Variants in DRC7 observed in about 807,000 individuals in gnomAD.
DRC7 encodes the protein dynein regulatory complex subunit 7.
Under a neutral mutation model 104.4 loss-of-function variants are expected in DRC7, and 80 were observed. The ratio of observed to expected loss-of-function variants is 0.77; its 90% CI spans 0.64 to 0.92. DRC7 has a LOEUF of 0.92. DRC7 is among the 40% of genes least tolerant of loss of function. DRC7 has a pLI of 0.00. For synonymous variants in DRC7, 405 were observed against 447.3 expected (o/e 0.91, Z 1.19); for missense variants, 1,034 against 1,141.1 (o/e 0.91, Z 1.35).
In DRC7 at chr16:57,727,384, A is replaced by G; in HGVS notation, c.2171A>G (p.Lys724Arg). ...ISIYDTKRNE[K>R]SKEYREAMER... ...ATCTATGACACCAAGCGGAATGAGA[A>G]GAGCAAGGAATATCGGGAGGCCATG... Residue 724 changes from lysine (K) to arginine (R), a missense_variant, in exon 16 of 19, where the codon AAG becomes AGG. Transcript: ENST00000360716. 6.2e-7 allele frequency: 1 copy of G among 1,613,348 alleles called. No homozygotes were observed. Among genetic ancestry groups the G allele is most frequent in the South Asian group, 1.1e-5 (1 of 91,080 alleles).
chr16:57,700,652 C>T (rs2048647656), intron 5 of DRC7, among the ~76,000 whole-genome samples: 2 of 112,534 alleles, frequency 1.8e-5, no homozygotes. Flanking sequence ...TCAAAAAACT[C>T]TCTCAAAAAA....
chr16:57,705,152 C>T, intron 7 of DRC7, 118 bp downstream of exon 7: 1 of 1,150,602 alleles, frequency 8.7e-7, no homozygotes, highest in Non-Finnish European at 1.2e-6. Context: ...CTAGGTCCAC[C>T]TCACAATCAC....
intron 12 of DRC7, among the ~76,000 whole-genome samples, chr16:57,723,683 A>G (rs1324486871): frequency 6.6e-6 from 1 of 151,926 alleles, no homozygotes; most frequent in South Asian, 2.1e-4. Flanking sequence ...AGCCGAGATT[A>G]TGCCACTGCA....
At position 57,723,024 on chromosome 16, in the gene DRC7, G is replaced by T. The variant is rs1478047417; in HGVS notation, c.1431G>T (p.Lys477Asn). 1.2e-6 allele frequency: 2 copies of T among 1,613,904 alleles called. No individual in the cohort carries two copies. The highest frequency in any genetic ancestry group is 3.3e-5 in the Admixed American group (2 of 60,010). ...DLQCTNILEI[K>N]EWYQNREDML... ...CAGGTACCAATATTTTGGAGATAAA[G>T]GAGTGGTACCAGAACCGGGAAGACA... is the stretch of plus-strand genomic sequence containing the variant. Residue 477 changes from lysine to asparagine, a missense_variant, in exon 12 of 19, where the codon AAG becomes AAT. Physicochemically the swap from Lys to Asn is moderately conservative, Grantham distance 94. Transcript: ENST00000360716.
At chr16:57,694,937 G>A (rs555499757) in intron 1 of DRC7, 85 bp downstream of exon 1, 1 of 152,308 alleles carries the variant, frequency 6.6e-6, no homozygotes, top group East Asian at 1.9e-4. Flanking sequence ...CTGCCTGGGG[G>A]CCTCCAGCCC....
At position 57,700,251 on chromosome 16, in the gene DRC7, T is replaced by C; in HGVS notation, c.485T>C (p.Leu162Pro). ...TCCGACTTCCTCACCATGGTGCCCCTGCCTGACCCTCTCAAGCCGGTAAGC... is the reference window on the plus strand; with the variant it reads ...TCCGACTTCCTCACCATGGTGCCCCCGCCTGACCCTCTCAAGCCGGTAAGC... ...FVSDFLTMVP[L>P]PDPLKPPSHL... The change falls in exon 5 of 19, where the codon CTG (leucine) becomes CCG (proline). Residue 162 changes from leucine (L) to proline (P), a missense_variant. By Grantham distance (98) the Leu-to-Pro change is moderately conservative. Coordinates refer to ENST00000360716, the MANE Select transcript of DRC7 (RefSeq NM_001289162.2). The C allele has an allele frequency of 1.2e-6, 2 of 1,613,726 alleles. No individual in the cohort carries two copies. Among genetic ancestry groups the C allele is most frequent in the South Asian group, 2.2e-5 (2 of 91,048 alleles).
At position 57,700,137 on chromosome 16, in the gene DRC7, CCTT is replaced by C. The variant is rs1452047355; in HGVS notation, c.379-7_379-5del. 2.4e-5 allele frequency: 39 copies of C among 1,613,252 alleles called. No homozygotes were observed. The Admixed American group carries it at 6.3e-4, about 26-fold the overall frequency. ...TTGACCCCACTGGCACCATCTCTCT[CCTT>C]GCAGAAGTTCGTGAGCACAACCCTC... is the stretch of plus-strand genomic sequence containing the variant. On this transcript the variant is annotated splice_polypyrimidine_tract_variant and splice_region_variant and intron_variant, in intron 4 of 18. Coordinates refer to ENST00000360716, the MANE Select transcript of DRC7 (RefSeq NM_001289162.2).
intron 8 of DRC7, among the ~76,000 whole-genome samples, chr16:57,713,022 A>G (rs138914265): frequency 3.3e-5 from 5 of 152,326 alleles, no homozygotes; most frequent in East Asian, 1.9e-4. Context: ...GAAACTCTCT[A>G]GAGATATTTC....
In DRC7 at chr16:57,700,203, G is replaced by C; in HGVS notation, c.437G>C (p.Trp146Ser). ...ATGCCCTACCCCGAGCTCTACAACT[G>C]GGACAGCTGTGCCCAGTTTGTCTCC... Reference protein sequence around the residue: ...TLMPYPELYNWDSCAQFVSDF... With the variant: ...TLMPYPELYNSDSCAQFVSDF... The change falls in exon 5 of 19, where the codon TGG becomes TCG. Residue 146 changes from tryptophan to serine, a missense_variant. Physicochemically the swap from Trp to Ser is radical, Grantham distance 177. Coordinates refer to ENST00000360716, the MANE Select transcript of DRC7 (RefSeq NM_001289162.2). 1 of 1,614,092 alleles carries C rather than the reference G, an allele frequency of 6.2e-7. No individual in the cohort carries two copies. The highest frequency in any genetic ancestry group is 8.5e-7 in the Non-Finnish European group (1 of 1,179,994).
rs11861734 is a variant in DRC7, at chr16:57,731,690, C to A, written c.*432C>A. ...ACCTCACCAAGTGGGATGGGGAAGG[C>A]TAAGATGCATGCCCCAGAATTTGAG... On this transcript the variant is annotated 3_prime_UTR_variant, in exon 19 of 19. Transcript: ENST00000360716. The A allele has an allele frequency of 5.6e-6, 1 of 180,072 alleles. No individual in the cohort carries two copies. Among genetic ancestry groups the A allele is most frequent in the East Asian group, 1.6e-4 (1 of 6,110 alleles). 11.2% of individuals were successfully genotyped at this position (180,072 alleles called of 1,614,324 possible). A position where few individuals can be genotyped will look rare whatever the true frequency, so the allele number is the denominator to read the frequency against.
At position 57,726,170 on chromosome 16, in the gene DRC7, C is replaced by T; in HGVS notation, c.1861C>T (p.His621Tyr). Residue 621 changes from histidine (H) to tyrosine (Y), a missense_variant, in exon 14 of 19, where the codon CAC becomes TAC. Physicochemically the swap from His to Tyr is moderately conservative, Grantham distance 83 (BLOSUM62 2). Transcript: ENST00000360716. ...VAEERIQLRY[H>Y]CREDHITASK... ...GGAGGAGCGCATCCAGCTGCGCTAC[C>T]ACTGCCGTGAGGACCACATCACGGC... 1.9e-6 allele frequency: 3 copies of T among 1,613,190 alleles called. No homozygotes were observed. The highest frequency in any genetic ancestry group is 2.5e-6 in the Non-Finnish European group (3 of 1,180,016).
intron 6 of DRC7, among the ~76,000 whole-genome samples, chr16:57,703,200 CAAAAAAAAAAA>C (rs71152293): frequency 0.045 from 2,863 of 62,988 alleles, 87 homozygotes; most frequent in African/African-American, 0.15. Flanking sequence ...TTTTTAATAG[CAAAAAAAAAAA>C]AAAAAAAAAA....
intron 8 of DRC7, among the ~76,000 whole-genome samples, chr16:57,708,375 T>C (rs1168859127): frequency 6.6e-6 from 1 of 152,252 alleles, no homozygotes; most frequent in East Asian, 1.9e-4. Flanking sequence ...GATTCAATAC[T>C]CTTACTCTTG....
chr16:57,713,609 A>G (rs113740035), intron 8 of DRC7, among the ~76,000 whole-genome samples: 1 of 152,224 alleles, frequency 6.6e-6, no homozygotes, highest in African/African-American at 2.4e-5. Flanking sequence ...GAGTCCATTA[A>G]ACCTCTTTTT....
intron 1 of DRC7, 44 bp downstream of exon 1, chr16:57,694,896 G>T: frequency 6.6e-6 from 1 of 152,342 alleles, no homozygotes; most frequent in Non-Finnish European, 1.5e-5. Context: ...ACCCTGTCTG[G>T]CAGGGAAAGG....
chr16:57,724,333 A>T lies in DRC7; in HGVS notation c.1538-282A>T, dbSNP rs1488525072. Among the ~76,000 whole-genome samples the T allele has an allele frequency of 2.0e-5, 3 of 148,130 alleles. No individual in the cohort carries two copies. In the East Asian group the frequency reaches 5.9e-4, roughly 29 times the overall value. On this transcript the variant is annotated intron_variant, in intron 12 of 18. Transcript: ENST00000360716. ...TCAAAAAAAAAAAAAAAAAAAAAGT[A>T]CACTTTTGGGCCCAGCAATTCCACT...
chr16:57,725,689 TC>T (rs1362909793), intron 13 of DRC7: 2 of 208,748 alleles, frequency 9.6e-6, no homozygotes, highest in African/African-American at 4.6e-5. Flanking sequence ...TTGTGCATTT[TC>T]CCCTTCATGT....
At chr16:57,724,309 CAAA>C (rs35767816) in intron 12 of DRC7, among the ~76,000 whole-genome samples, 105 of 80,690 alleles carry the variant, frequency 1.3e-3, no homozygotes, top group Middle Eastern at 9.8e-3. Context: ...GGCTGTGTCT[CAAA>C]AAAAAAAAAA....
rs151220891 is a variant in DRC7, at chr16:57,715,109, G to A, written c.1078-3238G>A. Among the ~76,000 whole-genome samples, 8 of 151,426 alleles carry A rather than the reference G, an allele frequency of 5.3e-5. No homozygotes were observed. The East Asian group carries it at 5.9e-4, about 11-fold the overall frequency. On this transcript the variant is annotated intron_variant, in intron 8 of 18. Transcript: ENST00000360716. ...GTCACCCAGGCTGGAGTGCAGTGGC[G>A]CGATCTTGGCACACTGCAATCCCCG... is the stretch of plus-strand genomic sequence containing the variant.
Sources: gnomAD v4.1 joint callset for allele counts (sites outside exome capture counted in the v4.1 genomes callset) on GRCh38, gnomAD v4.1.1 for gene constraint, MANE v1.5 for transcripts, NCBI Gene and HGNC (gene_info 2026-07-23, HGNC 2026-07-21) for gene names.